SPA17: variants seen among roughly 807,000 people sequenced by gnomAD.
The protein encoded by SPA17 is sperm autoantigenic protein 17, also known as sperm surface protein Sp17.
SPA17 carries 7 observed loss-of-function variants against 13.8 expected under a neutral mutation model. That is an observed-to-expected ratio of 0.51 (90% CI 0.29 to 0.95). The LOEUF is 0.95. SPA17 is among the 40% of genes least tolerant of loss of function. The probability of loss-of-function intolerance (pLI) is 0.08; values close to 1 mark genes in which losing one functional copy is unlikely to be tolerated. For synonymous variants in SPA17, 61 were observed against 59.0 expected (o/e 1.03, Z -0.16); for missense variants, 170 against 179.3 (o/e 0.95, Z 0.30).
Position 124,691,737 on chromosome 11 carries a change from G to A in SPA17, c.267G>A (p.Glu89=). 1 of 1,612,570 alleles carries A rather than the reference G, an allele frequency of 6.2e-7. No homozygotes were observed. The highest frequency in any genetic ancestry group is 1.3e-5 in the African/African-American group (1 of 74,966). The change falls in exon 4 of 5, where the codon GAG becomes GAA. Residue 89 remains glutamate (E), a synonymous_variant. Coordinates refer to ENST00000227135, the MANE Select transcript of SPA17 (RefSeq NM_017425.4). ...AGAAAAGTGATCCTAAACAAGAAGA[G>A]TCTCAGATATCTGGGAAGGAGGAAG... ...PPEKSDPKQE[E]SQISGKEEET...
intron 2 of SPA17, chr11:124,675,670 G>C: frequency 3.0e-6 from 1 of 336,410 alleles, no homozygotes; most frequent in South Asian, 3.8e-5. Context: ...ATACAGCGTG[G>C]AAGGTAACTG....
At chr11:124,678,546 G>GTGTTTGTGTGTGTA (rs1469235563) in intron 2 of SPA17, among the ~76,000 whole-genome samples, 4 of 151,748 alleles carry the variant, frequency 2.6e-5, no homozygotes, top group African/African-American at 9.7e-5. Context: ...GTGTGTGTGT[G>GTGTTTGTGTGTGTA]TGTTTGTGTG....
rs1451571448 is a variant in SPA17, at chr11:124,696,207, C to G, written c.*1761C>G. 1.3e-5 allele frequency: 2 copies of G among 152,330 alleles called. No homozygotes were observed. Among genetic ancestry groups the G allele is most frequent in the Non-Finnish European group, 2.9e-5 (2 of 68,182 alleles). 9.4% of individuals were successfully genotyped at this position (152,330 alleles called of 1,614,324 possible). ...CAGAGGAAAAGAAATCAGTTCTCCT[C>G]CAGGATTCCAGCTGTTCGTCCCTCC... On this transcript the variant is annotated 3_prime_UTR_variant, in exon 5 of 5. Transcript: ENST00000227135.
intron 3 of SPA17, among the ~76,000 whole-genome samples, chr11:124,684,498 C>T (rs1435759124): frequency 6.6e-6 from 1 of 152,172 alleles, no homozygotes; most frequent in Non-Finnish European, 1.5e-5. Flanking sequence ...GTGATCTACC[C>T]ACCTCGTCTT....
Position 124,678,577 on chromosome 11 carries a change from G to T in SPA17, c.155-2812G>T, listed in dbSNP as rs1241324871. Among the ~76,000 whole-genome samples, 4 of 149,802 alleles carry T rather than the reference G, an allele frequency of 2.7e-5. No individual in the cohort carries two copies. The East Asian group carries it at 7.8e-4, about 29-fold the overall frequency. On this transcript the variant is annotated intron_variant, in intron 2 of 4. Coordinates refer to ENST00000227135, the MANE Select transcript of SPA17 (RefSeq NM_017425.4). ...GTGTGTGTATTTGCCACAGGGTTTG[G>T]CTCTGGCTCTGTCGCCCAGGCTGAA... is the stretch of plus-strand genomic sequence containing the variant.
In SPA17 at chr11:124,681,393, C is replaced by T. The variant is rs1294293922; in HGVS notation, c.159C>T (p.Thr53=). Residue 53 remains threonine (T), a synonymous_variant, in exon 3 of 5, where the codon ACC becomes ACT. Transcript: ENST00000227135. ...TCTTATATTTTTATTATTTAGAAAC[C>T]AACTTTGATCCAGCAGAATGGGGGA... ...FESLLEKREK[T]NFDPAEWGSK... 6.4e-7 allele frequency: 1 copy of T among 1,571,520 alleles called. No homozygotes were observed. Among genetic ancestry groups the T allele is most frequent in the African/African-American group, 1.4e-5 (1 of 73,244 alleles).
At chr11:124,681,242 G>A in intron 2 of SPA17, 147 bp from the exon 3 acceptor site, 1 of 426,506 alleles carries the variant, frequency 2.3e-6, no homozygotes, top group Non-Finnish European at 4.1e-6. Flanking sequence ...TGTCTGCAGT[G>A]CTACGCTATG....
At chr11:124,678,693 A>G (rs1373975751) in intron 2 of SPA17, among the ~76,000 whole-genome samples, 1 of 152,084 alleles carries the variant, frequency 6.6e-6, no homozygotes, top group African/African-American at 2.4e-5. Context: ...AACTACAGGC[A>G]TGCACAAACA....
chr11:124,683,402 C>T (rs970107071), intron 3 of SPA17, among the ~76,000 whole-genome samples: 39 of 151,844 alleles, frequency 2.6e-4, no homozygotes, highest in African/African-American at 8.9e-4. Flanking sequence ...GAAAAAGAAA[C>T]AATGTATAAA....
At chr11:124,674,819 C>T (rs1030405553) in intron 1 of SPA17, 5 of 153,378 alleles carry the variant, frequency 3.3e-5, no homozygotes, top group African/African-American at 1.2e-4. Context: ...ATTTCTAGAA[C>T]CAGGACTAAT....
intron 2 of SPA17, 53 bp downstream of exon 2, chr11:124,675,471 T>C (rs1943450772): frequency 6.3e-7 from 1 of 1,585,832 alleles, no homozygotes; most frequent in Non-Finnish European, 8.6e-7. Flanking sequence ...AGCATTTGTT[T>C]ATGGTAAAAC....
At chr11:124,685,697 T>C (rs908403682) in intron 3 of SPA17, among the ~76,000 whole-genome samples, 4 of 152,324 alleles carry the variant, frequency 2.6e-5, no homozygotes, top group African/African-American at 9.6e-5. Context: ...CCCAAGGCCA[T>C]GGGATCCCAC....
At chr11:124,676,761 G>A (rs924227606) in intron 2 of SPA17, among the ~76,000 whole-genome samples, 1 of 152,202 alleles carries the variant, frequency 6.6e-6, no homozygotes, top group Non-Finnish European at 1.5e-5. Context: ...TAGGAGGAGG[G>A]TGAGGATTGA....
At position 124,695,832 on chromosome 11, in the gene SPA17, T is replaced by C. The variant is rs1394703514; in HGVS notation, c.*1386T>C. 6.6e-6 allele frequency: 1 copy of C among 152,210 alleles called. No individual in the cohort carries two copies. Among genetic ancestry groups the C allele is most frequent in the Non-Finnish European group, 1.5e-5 (1 of 68,044 alleles). The allele number at this position is 152,210 out of a possible 1,614,324, so 9.4% of individuals were successfully genotyped here. Reference sequence around the variant, plus strand: ...GTCCTGAGGAGATTCTAAAACCAGGTCTATGTTGTCACAACAAATACTCTC... The same window carrying C: ...GTCCTGAGGAGATTCTAAAACCAGGCCTATGTTGTCACAACAAATACTCTC... On this transcript the variant is annotated 3_prime_UTR_variant, in exon 5 of 5. Coordinates refer to ENST00000227135, the MANE Select transcript of SPA17 (RefSeq NM_017425.4).
At position 124,691,017 on chromosome 11, in the gene SPA17, T is replaced by C. The variant is rs554785214; in HGVS notation, c.226-679T>C. Among the ~76,000 whole-genome samples the C allele has an allele frequency of 2.0e-5, 3 of 152,358 alleles. No individual in the cohort carries two copies. The East Asian group carries it at 5.8e-4, about 29-fold the overall frequency. On this transcript the variant is annotated intron_variant, in intron 3 of 4. Transcript: ENST00000227135. ...ATAATGTTGAAAGATTTTAAATCCT[T>C]GCATCACATAGCAATTTTGGGGTGT...
At chr11:124,692,098 T>G (rs542164732) in intron 4 of SPA17, among the ~76,000 whole-genome samples, 1 of 152,284 alleles carries the variant, frequency 6.6e-6, no homozygotes, top group South Asian at 2.1e-4. Flanking sequence ...TCTTCCACTT[T>G]GGGAATTTTT....
Position 124,681,467 on chromosome 11 carries a change from C to T in SPA17, c.225+8C>T, listed in dbSNP as rs76427735. ...AACAATCATGCATTCGAGGTATGGT[C>T]CTTTGAAGCTGTTGGATTTGGCTAT... On this transcript the variant is annotated splice_region_variant and intron_variant, in intron 3 of 4. Transcript: ENST00000227135. 287 of 1,554,204 alleles carry T rather than the reference C, an allele frequency of 1.8e-4. No individual in the cohort carries two copies. In the African/African-American group the frequency reaches 3.6e-3, roughly 20 times the overall value.
chr11:124,694,342 G>T lies in SPA17; in HGVS notation c.352G>T (p.Ala118Ser). ...EEDKEKEEVAAVKIQAAFRGH... is the reference protein window; with the variant it reads ...EEDKEKEEVASVKIQAAFRGH... ...AGATAAGGAAAAAGAAGAGGTTGCT[G>T]CTGTCAAAATCCAAGCTGCCTTCCG... Residue 118 changes from alanine to serine, a missense_variant, in exon 5 of 5, where the codon GCT becomes TCT. Ala to Ser is a moderately conservative substitution (Grantham distance 99). Coordinates refer to ENST00000227135, the MANE Select transcript of SPA17 (RefSeq NM_017425.4). 3 of 1,614,080 alleles carry T rather than the reference G, an allele frequency of 1.9e-6. No homozygotes were observed. Among genetic ancestry groups the T allele is most frequent in the Non-Finnish European group, 2.5e-6 (3 of 1,180,004 alleles).
chr11:124,679,595 A>G (rs555539781), intron 2 of SPA17, among the ~76,000 whole-genome samples: 1 of 152,300 alleles, frequency 6.6e-6, no homozygotes, highest in African/African-American at 2.4e-5. Flanking sequence ...AGCTCTGTAC[A>G]TTAAAGGTCT....
Sources: gnomAD v4.1 joint callset for allele counts (sites outside exome capture counted in the v4.1 genomes callset) on GRCh38, gnomAD v4.1.1 for gene constraint, MANE v1.5 for transcripts, NCBI Gene and HGNC (gene_info 2026-07-23, HGNC 2026-07-21) for gene names.